ANKRD30A: variants seen among roughly 807,000 people sequenced by gnomAD.
The protein encoded by ANKRD30A is ankyrin repeat domain 30A, also known as ankyrin repeat domain-containing protein 30A.
In ANKRD30A, 170 loss-of-function variants were observed where a neutral mutation model predicts 166.3. That is an observed-to-expected ratio of 1.02 (90% confidence interval 0.90 to 1.16). The LOEUF (loss-of-function observed/expected upper bound fraction) is 1.16, where lower values mean the gene tolerates loss of function less well. ANKRD30A is among the 50% of genes most tolerant of loss of function. The pLI is 0.00. For missense variants in ANKRD30A, 1,630 were observed against 1,518.0 expected (o/e 1.07, Z -1.23); for synonymous variants, 564 against 508.9 (o/e 1.11, Z -1.46).
In ANKRD30A at chr10:37,125,764, ACT is replaced by A; in HGVS notation, c.-19_-18del. 1.7e-6 allele frequency: 1 copy of A among 601,528 alleles called. No individual in the cohort carries two copies. Among genetic ancestry groups the A allele is most frequent in the South Asian group, 2.0e-5 (1 of 49,218 alleles). The allele number at this position is 601,528 out of a possible 1,614,324, so 37.3% of individuals were successfully genotyped here. On this transcript the variant is annotated 5_prime_UTR_variant, in exon 1 of 36. Transcript: ENST00000361713. ...GGAAGGGCGATCGGGAGGCGCGGGC[ACT>A]CTCTAGCAGGTGGCCGCAGCCATGG... is the stretch of plus-strand genomic sequence containing the variant.
At chr10:37,207,643 CT>C (rs2132711134) in intron 31 of ANKRD30A, among the ~76,000 whole-genome samples, 1 of 151,260 alleles carries the variant, frequency 6.6e-6, no homozygotes, top group South Asian at 2.1e-4. Context: ...ATATAAATTT[CT>C]AATATATTTA....
At chr10:37,158,674 T>G (rs1838581420) in intron 15 of ANKRD30A, 88 bp downstream of exon 15, 1 of 1,544,420 alleles carries the variant, frequency 6.5e-7, no homozygotes, top group Non-Finnish European at 8.8e-7. Flanking sequence ...CAATGTTGTT[T>G]TCTATTCAAA....
At chr10:37,252,842 G>A in the ANKRD30A span, among the ~76,000 whole-genome samples, 1 of 152,062 alleles carries the variant, frequency 6.6e-6, no homozygotes, top group African/African-American at 2.4e-5. Context: ...TCATATATAA[G>A]TGCTTATATA....
At position 37,197,319 on chromosome 10, in the gene ANKRD30A, T is replaced by C; in HGVS notation, c.2643+10T>C. 1.2e-6 allele frequency: 2 copies of C among 1,613,446 alleles called. No individual in the cohort carries two copies. Among genetic ancestry groups the C allele is most frequent in the Non-Finnish European group, 1.7e-6 (2 of 1,179,802 alleles). ...GCCATCTGCCTTCGAGGTATTTAGT[T>C]TTATGATTTCATTTTGAATGACTTA... On this transcript the variant is annotated intron_variant, in intron 28 of 35. Coordinates refer to ENST00000361713, the MANE Select transcript of ANKRD30A (RefSeq NM_052997.3).
At chr10:37,214,065 A>G (rs1842481023) in intron 31 of ANKRD30A, among the ~76,000 whole-genome samples, 2 of 151,572 alleles carry the variant, frequency 1.3e-5, no homozygotes, top group Non-Finnish European at 3.0e-5. Context: ...CTATCTTTGT[A>G]TCATGTATTT....
chr10:37,225,466 A>T (rs1843103365), intron 34 of ANKRD30A, among the ~76,000 whole-genome samples: 1 of 151,830 alleles, frequency 6.6e-6, no homozygotes, highest in Non-Finnish European at 1.5e-5. Context: ...CTAAATTTCC[A>T]TGGAGATTTT....
chr10:37,208,239 G>A (rs1389657157), intron 31 of ANKRD30A, among the ~76,000 whole-genome samples: 1 of 152,076 alleles, frequency 6.6e-6, no homozygotes, highest in African/African-American at 2.4e-5. Flanking sequence ...GTCTTGGCTG[G>A]TGTCTGTGCC....
intron 31 of ANKRD30A, among the ~76,000 whole-genome samples, chr10:37,208,025 GTGT>G (rs1842083310): frequency 2.0e-5 from 3 of 152,066 alleles, no homozygotes; most frequent in African/African-American, 7.2e-5. Flanking sequence ...CAGACATAGT[GTGT>G]TTTTTGTGGG....
intron 31 of ANKRD30A, among the ~76,000 whole-genome samples, chr10:37,209,578 T>C (rs1842171489): frequency 6.6e-6 from 1 of 152,124 alleles, no homozygotes; most frequent in Admixed American, 6.6e-5. Flanking sequence ...ACTGCCAACA[T>C]TGGAGATGAC....
chr10:37,216,010 G>T (rs1842584077), intron 31 of ANKRD30A, among the ~76,000 whole-genome samples, 171 bp from the exon 32 acceptor site: 1 of 150,978 alleles, frequency 6.6e-6, no homozygotes, highest in African/African-American at 2.4e-5. Context: ...AGCTAAACAA[G>T]AGGAGAGGTT....
chr10:37,250,592 G>A, the ANKRD30A span, among the ~76,000 whole-genome samples: 1 of 152,104 alleles, frequency 6.6e-6, no homozygotes, highest in Non-Finnish European at 1.5e-5. Context: ...ATAAAGTGAT[G>A]GTATTAAGAG....
At chr10:37,191,795 A>G (rs1168799466) in intron 25 of ANKRD30A, among the ~76,000 whole-genome samples, 1 of 151,904 alleles carries the variant, frequency 6.6e-6, no homozygotes, top group Non-Finnish European at 1.5e-5. Flanking sequence ...GGAGATCCAG[A>G]CCATCCTGGC....
intron 25 of ANKRD30A, among the ~76,000 whole-genome samples, chr10:37,192,761 A>G (rs572988298): frequency 1.3e-4 from 19 of 151,976 alleles, no homozygotes; most frequent in African/African-American, 3.4e-4. Context: ...CTTTCCTTAT[A>G]CGGCCGCTTT....
downstream of ANKRD30A, among the ~76,000 whole-genome samples, chr10:37,236,151 G>A (rs1399028518): frequency 6.6e-6 from 1 of 152,130 alleles, no homozygotes; most frequent in Non-Finnish European, 1.5e-5. Context: ...AAGGAAGTAG[G>A]AAACATTTTT....
At chr10:37,228,985 C>G (rs1404404757) in intron 34 of ANKRD30A, among the ~76,000 whole-genome samples, 2 of 151,982 alleles carry the variant, frequency 1.3e-5, no homozygotes, top group East Asian at 3.9e-4. Flanking sequence ...CACTGTTCCT[C>G]TTAACTTGCC....
the ANKRD30A span, among the ~76,000 whole-genome samples, chr10:37,253,961 T>A: frequency 6.6e-6 from 1 of 152,100 alleles, no homozygotes; most frequent in Non-Finnish European, 1.5e-5. Flanking sequence ...ATTATAAAGG[T>A]TTTCCAGGTG....
chr10:37,195,947 A>G (rs1841050073), intron 27 of ANKRD30A, among the ~76,000 whole-genome samples: 1 of 152,190 alleles, frequency 6.6e-6, no homozygotes, highest in Non-Finnish European at 1.5e-5. Flanking sequence ...GCTTTTAGCC[A>G]GAGAAGAAGA....
intron 25 of ANKRD30A, among the ~76,000 whole-genome samples, chr10:37,191,035 C>G (rs530794433): frequency 6.6e-6 from 1 of 151,678 alleles, no homozygotes; most frequent in African/African-American, 2.4e-5. Context: ...GACTTGAATA[C>G]CTAAATTGTT....
rs754766676 is a variant in ANKRD30A at position 37,164,546 on chromosome 10, T to TACACACGCAAA, written c.2003-541_2003-531dup. 1.1e-3 allele frequency among the ~76,000 whole-genome samples: 167 copies of TACACACGCAAA among 152,228 alleles called. 1 individual carries two copies. Among genetic ancestry groups the TACACACGCAAA allele is most frequent in the Non-Finnish European group, 1.7e-3 (113 of 67,994 alleles). On this transcript the variant is annotated intron_variant, in intron 17 of 35. Coordinates refer to ENST00000361713, the MANE Select transcript of ANKRD30A (RefSeq NM_052997.3). Reference sequence around the variant, plus strand: ...TTAAAGCTTATCTTCCTAAAGCATATACACACGCAAAACACACCCAATACA... The same window carrying TACACACGCAAA: ...TTAAAGCTTATCTTCCTAAAGCATATACACACGCAAAACACACGCAAAACACACCCAATACA...
Sources: gnomAD v4.1 joint callset for allele counts (sites outside exome capture counted in the v4.1 genomes callset) on GRCh38, gnomAD v4.1.1 for gene constraint, MANE v1.5 for transcripts, NCBI Gene and HGNC (gene_info 2026-07-23, HGNC 2026-07-21) for gene names.